HPCAL1: variants seen among roughly 807,000 people sequenced by gnomAD.
The protein encoded by HPCAL1 is hippocalcin-like protein 1.
In HPCAL1, 8 loss-of-function variants were observed where a neutral mutation model predicts 17.1. That is an observed-to-expected ratio of 0.47 (90% CI 0.27 to 0.84). HPCAL1 has a LOEUF of 0.84. HPCAL1 is among the 40% of genes least tolerant of loss of function. HPCAL1 has a pLI of 0.13. For missense variants in HPCAL1, 165 were observed against 271.1 expected, an observed-to-expected ratio of 0.61 and a Z score of 2.75; for synonymous variants, 112 against 111.4, an observed-to-expected ratio of 1.01 and a Z score of -0.03.
chr2:10,328,315 A>G (rs1042871011), intron 1 of HPCAL1, among the ~76,000 whole-genome samples: 7 of 152,282 alleles, frequency 4.6e-5, no homozygotes, highest in Non-Finnish European at 8.8e-5. Flanking sequence ...GAGTGGTGCC[A>G]GCACAGAGCA....
chr2:10,374,229 G>A (rs1667403672), intron 1 of HPCAL1, among the ~76,000 whole-genome samples: 1 of 151,568 alleles, frequency 6.6e-6, no homozygotes, highest in Admixed American at 6.6e-5. Flanking sequence ...AGAGCCCTGG[G>A]ACAACGGGCT....
rs973068370 is a variant in HPCAL1, at chr2:10,419,570, T to C, written c.-24-164T>C. On this transcript the variant is annotated intron_variant, in intron 2 of 4. Transcript: ENST00000307845. This position sits in a 1 kb window ranked among gnomAD's most constrained non-coding sequence, Gnocchi z 5.0. The stretch of plus-strand genomic sequence containing the variant: ...TGATATAATTAGAGTCTCTTGGCCT[T>C]CTTGGTGGTCCATAAGATAGCGGCA... Among the ~76,000 whole-genome samples the C allele has an allele frequency of 3.9e-5, 6 of 152,052 alleles. No individual in the cohort carries two copies. Among genetic ancestry groups the C allele is most frequent in the African/African-American group, 1.4e-4 (6 of 41,456 alleles).
At chr2:10,321,152 G>T (rs1188594607) in intron 1 of HPCAL1, among the ~76,000 whole-genome samples, 9 of 152,206 alleles carry the variant, frequency 5.9e-5, no homozygotes, top group Non-Finnish European at 1.3e-4. Flanking sequence ...ATGGCGGAAG[G>T]TGACGGGGGA....
chr2:10,358,057 G>A (rs1341891475), intron 1 of HPCAL1, among the ~76,000 whole-genome samples: 3 of 152,228 alleles, frequency 2.0e-5, no homozygotes, highest in South Asian at 2.1e-4. Flanking sequence ...TAGCAGCCCC[G>A]GTGGAAAGCC....
chr2:10,417,304 A>C (rs1670734452), intron 2 of HPCAL1, among the ~76,000 whole-genome samples: 1 of 151,736 alleles, frequency 6.6e-6, no homozygotes. Context: ...CGGAGGTTGC[A>C]GTGAGCTGAG....
rs553304519 is a variant in HPCAL1 at position 10,328,570 on chromosome 2, G to A, written c.-111+25393G>A. ...AAGAGTGAATGTGCTCTCTCTGCTT[G>A]AGCTGGGACACCCACCTTCTGCTGC... On this transcript the variant is annotated intron_variant, in intron 1 of 4. Transcript: ENST00000307845. Among the ~76,000 whole-genome samples, 17 of 152,194 alleles carry A rather than the reference G, an allele frequency of 1.1e-4. 2 individuals carry two copies. The South Asian group carries it at 1.9e-3, about 17-fold the overall frequency.
Position 10,426,991 on chromosome 2 carries a change from A to G in HPCAL1, c.*170A>G, listed in dbSNP as rs1006083931. 3.2e-6 allele frequency: 2 copies of G among 616,494 alleles called. No homozygotes were observed. The highest frequency in any genetic ancestry group is 3.7e-5 in the African/African-American group (2 of 54,410). The allele number at this position is 616,494 out of a possible 1,614,324, so 38.2% of individuals were successfully genotyped here. A position where few individuals can be genotyped will look rare whatever the true frequency, so the allele number is the denominator to read the frequency against. ...CTGCGCCTCCCTCCTCCACCTGACCAACGCGACATTCCTCCCCTCACGCCT... is the reference window on the plus strand; with the variant it reads ...CTGCGCCTCCCTCCTCCACCTGACCGACGCGACATTCCTCCCCTCACGCCT... On this transcript the variant is annotated 3_prime_UTR_variant, in exon 5 of 5. Transcript: ENST00000307845.
In HPCAL1 at chr2:10,319,094, C is replaced by T. The variant is rs111399675; in HGVS notation, c.-111+15917C>T. Among the ~76,000 whole-genome samples, 430 of 152,294 alleles carry T rather than the reference C, an allele frequency of 2.8e-3. 3 individuals are homozygous for T. Among genetic ancestry groups the T allele is most frequent in the African/African-American group, 9.8e-3 (408 of 41,532 alleles). The stretch of plus-strand genomic sequence containing the variant: ...TAAGGACCATCATCAACATCATTGT[C>T]GTCCTCATCGTGAGTCTTTCCAAAT... On this transcript the variant is annotated intron_variant, in intron 1 of 4. Transcript: ENST00000307845.
intron 3 of HPCAL1, among the ~76,000 whole-genome samples, chr2:10,421,759 T>C (rs188006007): frequency 2.0e-5 from 3 of 152,206 alleles, no homozygotes. Context: ...GGTGGTCCCA[T>C]GGTAGGGAAC....
intron 2 of HPCAL1, among the ~76,000 whole-genome samples, chr2:10,408,887 C>T (rs7603352): frequency 0.19 from 29,175 of 152,170 alleles, 2,917 homozygotes; most frequent in Middle Eastern, 0.23. Flanking sequence ...AATGCTACTT[C>T]TACCCAGCAC....
rs12617309 is a variant in HPCAL1, at chr2:10,363,356, G to A, written c.-110-33479G>A. ...TGACAGGTGGGCAGGAGCTGCTGGGGGTGCTGGGCAGACGTTTACCGTCCA... is the reference window on the plus strand; with the variant it reads ...TGACAGGTGGGCAGGAGCTGCTGGGAGTGCTGGGCAGACGTTTACCGTCCA... On this transcript the variant is annotated intron_variant, in intron 1 of 4. Coordinates refer to ENST00000307845, the MANE Select transcript of HPCAL1 (RefSeq NM_002149.4). The surrounding 1 kb of genome is among the most constrained non-coding windows in gnomAD (Gnocchi z 4.7). Among the ~76,000 whole-genome samples the A allele has an allele frequency of 0.098, 14,925 of 152,130 alleles. 1,643 individuals are homozygous for A. Among genetic ancestry groups the A allele is most frequent in the East Asian group, 0.48 (2,453 of 5,156 alleles).
At chr2:10,356,028 A>T (rs1278540080) in intron 1 of HPCAL1, among the ~76,000 whole-genome samples, 2 of 152,120 alleles carry the variant, frequency 1.3e-5, no homozygotes, top group African/African-American at 4.8e-5. Context: ...AGCAGGTGGG[A>T]TGGTATTGAT....
intron 1 of HPCAL1, among the ~76,000 whole-genome samples, chr2:10,324,584 G>A (rs776898497): frequency 1.3e-5 from 2 of 152,064 alleles, no homozygotes; most frequent in African/African-American, 2.4e-5. Flanking sequence ...CTGATTTGCC[G>A]GCTGGTTTTC....
At chr2:10,371,264 TG>T (rs1413880758) in intron 1 of HPCAL1, among the ~76,000 whole-genome samples, 4 of 152,150 alleles carry the variant, frequency 2.6e-5, no homozygotes, top group African/African-American at 9.7e-5. Flanking sequence ...ATTGTCTCCT[TG>T]GAGGTGACTG....
At chr2:10,319,904 C>T (rs1241611021) in intron 1 of HPCAL1, among the ~76,000 whole-genome samples, 2 of 152,122 alleles carry the variant, frequency 1.3e-5, no homozygotes, top group African/African-American at 2.4e-5. Flanking sequence ...GACTGACTTG[C>T]TGCTGCAGGT....
intron 1 of HPCAL1, among the ~76,000 whole-genome samples, chr2:10,341,758 A>G (rs886874293): frequency 9.2e-5 from 14 of 152,196 alleles, no homozygotes; most frequent in Non-Finnish European, 8.8e-5. Flanking sequence ...AACGCTTCCC[A>G]AGAGATGTGA....
At chr2:10,326,100 G>A (rs191848664) in intron 1 of HPCAL1, among the ~76,000 whole-genome samples, 15 of 152,328 alleles carry the variant, frequency 9.8e-5, no homozygotes, top group African/African-American at 3.6e-4. Context: ...TCCTCTCTGG[G>A]TTCGACACCA....
rs1232280078 is a variant in HPCAL1, at chr2:10,331,795, C to T, written c.-111+28618C>T. On this transcript the variant is annotated intron_variant, in intron 1 of 4. Coordinates refer to ENST00000307845, the MANE Select transcript of HPCAL1 (RefSeq NM_002149.4). This position sits in a 1 kb window ranked among gnomAD's most constrained non-coding sequence, Gnocchi z 5.0. ...CAACTGCTTGGTGACATTGGCCAAT[C>T]CTGTGGTGGCCCCAGCTGGGCTTGC... Among the ~76,000 whole-genome samples the T allele has an allele frequency of 6.6e-6, 1 of 152,146 alleles. No homozygotes were observed. Among genetic ancestry groups the T allele is most frequent in the African/African-American group, 2.4e-5 (1 of 41,430 alleles).
chr2:10,350,854 A>T (rs923455649), intron 1 of HPCAL1, among the ~76,000 whole-genome samples: 1 of 152,200 alleles, frequency 6.6e-6, no homozygotes, highest in African/African-American at 2.4e-5. Flanking sequence ...GTCACGAGGG[A>T]AATGCACATG....
Sources: gnomAD v4.1 joint callset for allele counts (sites outside exome capture counted in the v4.1 genomes callset) on GRCh38, gnomAD v4.1.1 for gene constraint, Gnocchi (gnomAD v3.1) non-coding constraint, MANE v1.5 for transcripts, NCBI Gene and HGNC (gene_info 2026-07-23, HGNC 2026-07-21) for gene names.